FAM81A: variants seen among roughly 807,000 people sequenced by gnomAD.
FAM81A encodes protein FAM81A.
In FAM81A, 19 loss-of-function variants were observed where a neutral mutation model predicts 46.7. The observed-to-expected ratio is 0.41, with a 90% CI of 0.28 to 0.60. FAM81A has a LOEUF of 0.60. Among genes scored for constraint, FAM81A ranks in the 20% least tolerant of loss-of-function variants. The pLI is 0.34. For missense variants in FAM81A, 377 were observed against 453.5 expected, an observed-to-expected ratio of 0.83 and a Z score of 1.53; for synonymous variants, 183 against 152.9, an observed-to-expected ratio of 1.20 and a Z score of -1.45.
intron 8 of FAM81A, among the ~76,000 whole-genome samples, chr15:59,518,390 C>G (rs1370528107): frequency 6.6e-6 from 1 of 152,064 alleles, no homozygotes; most frequent in Non-Finnish European, 1.5e-5. Flanking sequence ...GTGGTGTGAT[C>G]GTAGCTCACT....
intron 2 of FAM81A, among the ~76,000 whole-genome samples, chr15:59,430,443 T>A (rs2081215054): frequency 6.6e-6 from 1 of 151,974 alleles, no homozygotes; most frequent in Non-Finnish European, 1.5e-5. Context: ...TTTTTGTATT[T>A]TTAGTAGAGA....
intron 1 of FAM81A, among the ~76,000 whole-genome samples, chr15:59,449,578 G>A (rs371838586): frequency 3.1e-4 from 47 of 152,032 alleles, no homozygotes; most frequent in Non-Finnish European, 5.0e-4. Context: ...TCAGGAGATC[G>A]AGACCATCCT....
upstream of FAM81A, among the ~76,000 whole-genome samples, chr15:59,433,361 T>G (rs1298107100): frequency 6.6e-6 from 1 of 151,978 alleles, no homozygotes. Flanking sequence ...AAATACACCC[T>G]GAGGCTGAAC....
chr15:59,460,287 C>T lies in FAM81A; in HGVS notation c.294+81C>T. The T allele has an allele frequency of 3.2e-6, 5 of 1,569,904 alleles. No individual in the cohort carries two copies. Among genetic ancestry groups the T allele is most frequent in the Non-Finnish European group, 4.4e-6 (5 of 1,141,598 alleles). On this transcript the variant is annotated intron_variant, in intron 3 of 8. Transcript: ENST00000288228. The surrounding 1 kb of genome is among the most constrained non-coding windows in gnomAD (Gnocchi z 4.4). ...TCAGGAGGTCACCCACATCTAACTC[C>T]TACCTCCCAGGCAGTACTGCATTTA... is the stretch of plus-strand genomic sequence containing the variant.
At chr15:59,487,230 ATATAT>A (rs1409829615) in intron 3 of FAM81A, among the ~76,000 whole-genome samples, 1 of 146,284 alleles carries the variant, frequency 6.8e-6, no homozygotes, top group Non-Finnish European at 1.5e-5. Flanking sequence ...TATATTATAT[ATATAT>A]TATATATATA....
chr15:59,470,801 T>C (rs1174733771), intron 3 of FAM81A, among the ~76,000 whole-genome samples: 1 of 152,180 alleles, frequency 6.6e-6, no homozygotes, highest in Non-Finnish European at 1.5e-5. Context: ...CTGTTCCTAT[T>C]TGGCCATATT....
At chr15:59,484,363 C>G (rs1287483810) in intron 3 of FAM81A, among the ~76,000 whole-genome samples, 1 of 152,164 alleles carries the variant, frequency 6.6e-6, no homozygotes, top group Non-Finnish European at 1.5e-5. Flanking sequence ...AATTTAACAA[C>G]TGTCTACAAA....
intron 2 of FAM81A, among the ~76,000 whole-genome samples, chr15:59,433,119 G>A (rs909625761): frequency 1.8e-5 from 2 of 113,886 alleles, no homozygotes; most frequent in African/African-American, 3.4e-5. Flanking sequence ...TCCAGCCTGG[G>A]CACAGAGCGA....
chr15:59,408,701 C>T (rs1012093508), intron 2 of FAM81A, among the ~76,000 whole-genome samples: 2 of 152,060 alleles, frequency 1.3e-5, no homozygotes, highest in Admixed American at 6.6e-5. Context: ...TGGTGGTGCG[C>T]ACCTGTAATC....
intron 3 of FAM81A, among the ~76,000 whole-genome samples, chr15:59,491,755 G>T (rs2081983946): frequency 6.6e-6 from 1 of 152,080 alleles, no homozygotes; most frequent in Admixed American, 6.6e-5. Flanking sequence ...GACCAGCCTG[G>T]CCAACATGGC....
chr15:59,470,805 C>T (rs1220555657), intron 3 of FAM81A, among the ~76,000 whole-genome samples: 1 of 152,066 alleles, frequency 6.6e-6, no homozygotes, highest in African/African-American at 2.4e-5. Flanking sequence ...TCCTATTTGG[C>T]CATATTGGAA....
At chr15:59,449,781 CAAAAAA>C (rs71119473) in intron 1 of FAM81A, among the ~76,000 whole-genome samples, 4 of 70,314 alleles carry the variant, frequency 5.7e-5, no homozygotes, top group African/African-American at 1.1e-4. Flanking sequence ...GACTCTGTCT[CAAAAAA>C]AAAAAAAAAA....
At chr15:59,446,895 G>A (rs560881612) in intron 1 of FAM81A, among the ~76,000 whole-genome samples, 1 of 152,170 alleles carries the variant, frequency 6.6e-6, no homozygotes, top group Non-Finnish European at 1.5e-5. Flanking sequence ...CTAAACCATA[G>A]TCTTTAAAGC....
At chr15:59,493,451 C>G (rs1334458505) in intron 4 of FAM81A, among the ~76,000 whole-genome samples, 2 of 152,172 alleles carry the variant, frequency 1.3e-5, no homozygotes, top group African/African-American at 2.4e-5. Flanking sequence ...TGTTGACTCC[C>G]TCTTCTCTCT....
At chr15:59,493,566 T>C (rs2082003298) in intron 4 of FAM81A, among the ~76,000 whole-genome samples, 1 of 152,160 alleles carries the variant, frequency 6.6e-6, no homozygotes, top group African/African-American at 2.4e-5. Context: ...TTCTCGTACC[T>C]AGCATGCCTT....
At chr15:59,415,804 T>C (rs1320895026) in intron 2 of FAM81A, among the ~76,000 whole-genome samples, 3 of 152,142 alleles carry the variant, frequency 2.0e-5, no homozygotes, top group Non-Finnish European at 2.9e-5. Flanking sequence ...TGCTCTTGAG[T>C]GATGGAAGGA....
chr15:59,451,578 G>C (rs927392607), intron 1 of FAM81A, among the ~76,000 whole-genome samples: 9 of 151,916 alleles, frequency 5.9e-5, no homozygotes, highest in Non-Finnish European at 8.8e-5. Context: ...TGAGCCTTCC[G>C]AGTAGCTGCG....
chr15:59,453,815 G>GAA (rs760986319), intron 1 of FAM81A, among the ~76,000 whole-genome samples: 1 of 152,106 alleles, frequency 6.6e-6, no homozygotes, highest in Non-Finnish European at 1.5e-5. Flanking sequence ...GGAGGCAAGA[G>GAA]GAGAGAGAGG....
intron 6 of FAM81A, among the ~76,000 whole-genome samples, chr15:59,509,740 G>C (rs1343033975): frequency 6.6e-6 from 1 of 152,124 alleles, no homozygotes; most frequent in Non-Finnish European, 1.5e-5. Context: ...GCTTTGCTCT[G>C]TAAAGAGTAG....
Sources: gnomAD v4.1 joint callset for allele counts (sites outside exome capture counted in the v4.1 genomes callset) on GRCh38, gnomAD v4.1.1 for gene constraint, Gnocchi (gnomAD v3.1) non-coding constraint, MANE v1.5 for transcripts, NCBI Gene and HGNC (gene_info 2026-07-23, HGNC 2026-07-21) for gene names.